Variants in MAGI2 observed in about 807,000 individuals in gnomAD.
MAGI2 encodes membrane-associated guanylate kinase, WW and PDZ domain-containing protein 2.
In MAGI2, 35 loss-of-function variants were observed where a neutral mutation model predicts 133.3. The observed-to-expected ratio is 0.26, with a 90% CI of 0.20 to 0.35. MAGI2 has a LOEUF of 0.35. Among genes scored for constraint, MAGI2 ranks in the 10% least tolerant of loss-of-function variants. The pLI, the probability that MAGI2 is intolerant of heterozygous loss-of-function variation, is 1.00. For missense variants in MAGI2, 1,636 were observed against 1,863.4 expected (o/e 0.88, Z 2.25); for synonymous variants, 729 against 710.6 (o/e 1.03, Z -0.41).
intron 10 of MAGI2, among the ~76,000 whole-genome samples, chr7:78,246,198 C>T (rs1791761893): frequency 6.6e-6 from 1 of 152,174 alleles, no homozygotes; most frequent in Non-Finnish European, 1.5e-5. Context: ...CCAGCTCCCC[C>T]ATGTCTGAGC....
chr7:78,606,855 CTGTG>C (rs914583314), intron 3 of MAGI2, among the ~76,000 whole-genome samples: 13 of 152,252 alleles, frequency 8.5e-5, no homozygotes, highest in African/African-American at 3.1e-4. Context: ...TTTCTGCTTT[CTGTG>C]TATCTGTTTT....
rs77256176 is a variant in MAGI2 at position 78,357,046 on chromosome 7, G to T, written c.1104-11003C>A. On this transcript the variant is annotated intron_variant, in intron 7 of 21. Transcript: ENST00000354212. ...TAGGACTGTTTTGAGGAGCAAACAA[G>T]ATAAAATATAGAAAATGTTTAAAGA... Among the ~76,000 whole-genome samples, 1,029 of 152,270 alleles carry T rather than the reference G, an allele frequency of 6.8e-3. 12 individuals carry two copies. Among genetic ancestry groups the T allele is most frequent in the African/African-American group, 0.024 (1,005 of 41,558 alleles).
At chr7:78,948,095 T>C (rs1801573858) in intron 2 of MAGI2, among the ~76,000 whole-genome samples, 1 of 152,016 alleles carries the variant, frequency 6.6e-6, no homozygotes, top group Admixed American at 6.6e-5. Flanking sequence ...CTAAAATGAT[T>C]TATGTAGGGC....
chr7:79,198,663 G>A (rs1384121774), intron 1 of MAGI2, among the ~76,000 whole-genome samples: 1 of 152,044 alleles, frequency 6.6e-6, no homozygotes, highest in East Asian at 1.9e-4. Flanking sequence ...GCCGAAGAGG[G>A]AGGATCACCT....
chr7:79,338,323 C>T (rs1023292350), intron 1 of MAGI2, among the ~76,000 whole-genome samples: 2 of 152,088 alleles, frequency 1.3e-5, no homozygotes, highest in African/African-American at 4.8e-5. Flanking sequence ...CCATTTTTAA[C>T]AGGAATCCAG....
chr7:78,486,948 G>A, intron 6 of MAGI2: 1 of 525,338 alleles, frequency 1.9e-6, no homozygotes, highest in Non-Finnish European at 3.8e-6. Context: ...CATGGCTCTG[G>A]GGCCGGGTCC....
intron 21 of MAGI2, among the ~76,000 whole-genome samples, chr7:78,041,947 C>T (rs1456745651): frequency 6.6e-6 from 1 of 152,142 alleles, no homozygotes; most frequent in Non-Finnish European, 1.5e-5. Flanking sequence ...CCACAACCCG[C>T]CCTGTGATAG....
At chr7:78,477,547 G>A (rs904701556) in intron 6 of MAGI2, among the ~76,000 whole-genome samples, 3 of 151,838 alleles carry the variant, frequency 2.0e-5, no homozygotes, top group Non-Finnish European at 2.9e-5. Flanking sequence ...AGAAGATGAA[G>A]GAAGAGCAAA....
intron 1 of MAGI2, among the ~76,000 whole-genome samples, chr7:79,085,486 C>T (rs1249924612): frequency 6.6e-6 from 1 of 151,862 alleles, no homozygotes; most frequent in Non-Finnish European, 1.5e-5. Flanking sequence ...ATCTGTGCTT[C>T]ATCAGGAACA....
At chr7:78,158,796 G>A (rs1382936007) in intron 16 of MAGI2, among the ~76,000 whole-genome samples, 5 of 152,138 alleles carry the variant, frequency 3.3e-5, no homozygotes, top group Non-Finnish European at 7.4e-5. Context: ...AGAAATTACA[G>A]TTTAGGGGTC....
At chr7:78,372,527 A>G (rs574693499) in intron 6 of MAGI2, among the ~76,000 whole-genome samples, 1 of 152,300 alleles carries the variant, frequency 6.6e-6, no homozygotes, top group South Asian at 2.1e-4. Context: ...TTAAGGTAAC[A>G]CTGATGAAAG....
At chr7:78,840,517 A>T (rs1470938017) in intron 2 of MAGI2, among the ~76,000 whole-genome samples, 1 of 152,048 alleles carries the variant, frequency 6.6e-6, no homozygotes, top group Non-Finnish European at 1.5e-5. Context: ...CAACCTGCTG[A>T]CCACACTTTA....
intron 2 of MAGI2, among the ~76,000 whole-genome samples, chr7:78,645,794 A>G (rs1162137376): frequency 1.3e-5 from 2 of 150,286 alleles, no homozygotes; most frequent in Non-Finnish European, 3.0e-5. Flanking sequence ...ACTGGAGTGC[A>G]GTGGCATGAT....
intron 1 of MAGI2, among the ~76,000 whole-genome samples, chr7:79,378,414 G>C (rs1843524393): frequency 6.6e-6 from 1 of 151,450 alleles, no homozygotes; most frequent in Non-Finnish European, 1.5e-5. Flanking sequence ...AGGACAGATG[G>C]CTTGACCAAA....
chr7:79,359,230 T>G (rs991661111), intron 1 of MAGI2, among the ~76,000 whole-genome samples: 1 of 151,986 alleles, frequency 6.6e-6, no homozygotes, highest in African/African-American at 2.4e-5. Flanking sequence ...GACTTAATAA[T>G]AGAATGGACA....
chr7:79,444,929 A>G (rs1238332934), intron 1 of MAGI2, among the ~76,000 whole-genome samples: 1 of 152,254 alleles, frequency 6.6e-6, no homozygotes, highest in Non-Finnish European at 1.5e-5. Context: ...ACAAGGCTAC[A>G]GTAACCAAAA....
chr7:79,451,123 C>T (rs1849212242), intron 1 of MAGI2, among the ~76,000 whole-genome samples: 1 of 152,180 alleles, frequency 6.6e-6, no homozygotes. Context: ...TCTTTGCTAG[C>T]GTGACAGTTT....
intron 2 of MAGI2, among the ~76,000 whole-genome samples, chr7:78,710,509 T>G (rs1177273689): frequency 2.0e-5 from 3 of 151,710 alleles, no homozygotes; most frequent in African/African-American, 7.2e-5. Flanking sequence ...AAGCTTAATC[T>G]CTGAATGAAT....
At chr7:78,744,711 C>T (rs1011073068) in intron 2 of MAGI2, among the ~76,000 whole-genome samples, 8 of 152,146 alleles carry the variant, frequency 5.3e-5, no homozygotes, top group African/African-American at 9.7e-5. Flanking sequence ...ATTAATATCA[C>T]AGTATGCAAG....
Sources: gnomAD v4.1 joint callset for allele counts (sites outside exome capture counted in the v4.1 genomes callset) on GRCh38, gnomAD v4.1.1 for gene constraint, MANE v1.5 for transcripts, NCBI Gene and HGNC (gene_info 2026-07-23, HGNC 2026-07-21) for gene names.